The following MEI4 variants were observed in gnomAD, a reference collection of about 807,000 sequenced individuals.
MEI4 encodes meiotic double-stranded break formation protein 4.
MEI4 carries 27 observed loss-of-function variants against 31.4 expected under a neutral mutation model. The ratio of observed to expected loss-of-function variants is 0.86; its 90% CI spans 0.63 to 1.19. The LOEUF (loss-of-function observed/expected upper bound fraction) is 1.19, where lower values mean the gene tolerates loss of function less well. MEI4 is among the 50% of genes most tolerant of loss of function. The pLI is 0.00. For missense variants in MEI4, 329 were observed against 398.9 expected (o/e 0.82, Z 1.49); for synonymous variants, 122 against 145.4 (o/e 0.84, Z 1.16).
intron 4 of MEI4, among the ~76,000 whole-genome samples, chr6:77,829,928 ATGT>A (rs564583194): frequency 2.2e-4 from 33 of 152,240 alleles, no homozygotes; most frequent in East Asian, 1.2e-3. Flanking sequence ...GATGTTTGAC[ATGT>A]TGTATCTAGT....
chr6:77,813,182 G>A (rs1293074716), intron 3 of MEI4, among the ~76,000 whole-genome samples: 3 of 152,054 alleles, frequency 2.0e-5, no homozygotes, highest in African/African-American at 4.8e-5. Flanking sequence ...ATATATTTGT[G>A]TCATTATTGC....
chr6:77,769,997 T>C lies in MEI4; in HGVS notation c.768+8332T>C, dbSNP rs1044553627. On this transcript the variant is annotated intron_variant, in intron 3 of 4. Coordinates refer to ENST00000684080, the MANE Select transcript of MEI4 (RefSeq NM_001322247.2). ...ACAGAAGAGTAAAGGGGTCTTTATC[T>C]TGCAGCCTGGTACCAGCTTGGCCGC... Among the ~76,000 whole-genome samples, 16 of 151,834 alleles carry C rather than the reference T, an allele frequency of 1.1e-4. No individual in the cohort carries two copies. In the South Asian group the frequency reaches 2.3e-3, roughly 22 times the overall value.
At chr6:77,778,702 G>C (rs1236837977) in intron 3 of MEI4, among the ~76,000 whole-genome samples, 1 of 140,108 alleles carries the variant, frequency 7.1e-6, no homozygotes, top group Non-Finnish European at 1.5e-5. Flanking sequence ...CTGAGACCCT[G>C]TCTCAAATAA....
intron 1 of MEI4, among the ~76,000 whole-genome samples, chr6:77,680,696 G>A (rs1459631901): frequency 6.6e-6 from 1 of 152,092 alleles, no homozygotes; most frequent in Non-Finnish European, 1.5e-5. Context: ...TGAAAGTAGA[G>A]CTCTATTTTG....
At chr6:77,744,500 A>T (rs1169356063) in intron 2 of MEI4, among the ~76,000 whole-genome samples, 3 of 152,146 alleles carry the variant, frequency 2.0e-5, no homozygotes, top group Non-Finnish European at 4.4e-5. Context: ...TGATTGGTGT[A>T]CCTGAAAGTG....
chr6:77,889,098 A>G (rs776899269), intron 4 of MEI4, among the ~76,000 whole-genome samples: 3 of 152,156 alleles, frequency 2.0e-5, no homozygotes, highest in Non-Finnish European at 4.4e-5. Context: ...GCAGCATTAA[A>G]ACATAAATCG....
intron 1 of MEI4, among the ~76,000 whole-genome samples, chr6:77,662,234 G>A (rs1179985349): frequency 6.6e-6 from 1 of 152,188 alleles, no homozygotes; most frequent in Non-Finnish European, 1.5e-5. Flanking sequence ...AATGATAGAT[G>A]TGGAAGATAC....
Position 77,822,622 on chromosome 6 carries a change from CCT to C in MEI4, c.769-6308_769-6307del, listed in dbSNP as rs1312821546. Reference sequence around the variant, plus strand: ...GGATTGCATTTGGATACCCCCCCCCCCTTTTTTTTTTTCTTGAGACAGAGTCT... The same window carrying C: ...GGATTGCATTTGGATACCCCCCCCCCTTTTTTTTTTCTTGAGACAGAGTCT... On this transcript the variant is annotated intron_variant, in intron 3 of 4. Coordinates refer to ENST00000684080, the MANE Select transcript of MEI4 (RefSeq NM_001322247.2). Among the ~76,000 whole-genome samples, 190 of 94,082 alleles carry C rather than the reference CCT, an allele frequency of 2.0e-3. 1 individual carries two copies. Among genetic ancestry groups the C allele is most frequent in the African/African-American group, 5.4e-3 (124 of 23,086 alleles). 61.7% of individuals were successfully genotyped at this position (94,082 alleles called of 152,430 possible).
At chr6:77,735,632 C>G (rs1274893956) in intron 2 of MEI4, among the ~76,000 whole-genome samples, 1 of 152,072 alleles carries the variant, frequency 6.6e-6, no homozygotes, top group Admixed American at 6.5e-5. Flanking sequence ...CTTCTCTTAG[C>G]TTGTCAAAGT....
chr6:77,881,776 A>C (rs936591178), intron 4 of MEI4, among the ~76,000 whole-genome samples: 1 of 152,260 alleles, frequency 6.6e-6, no homozygotes. Context: ...CTAATTGAAC[A>C]GTATTATATG....
At chr6:77,746,107 G>T (rs908575023) in intron 2 of MEI4, among the ~76,000 whole-genome samples, 2 of 151,942 alleles carry the variant, frequency 1.3e-5, no homozygotes, top group Admixed American at 1.3e-4. Flanking sequence ...AGAAGGCAAG[G>T]AATAACTAAA....
At chr6:77,831,550 C>A (rs9361295) in intron 4 of MEI4, among the ~76,000 whole-genome samples, 67,786 of 150,450 alleles carry the variant, frequency 0.45, 16,982 homozygotes, top group African/African-American at 0.68. Context: ...TCCTCTCTCT[C>A]TATATATAAT....
chr6:77,917,311 G>C (rs1766583659), intron 4 of MEI4, among the ~76,000 whole-genome samples: 1 of 149,630 alleles, frequency 6.7e-6, no homozygotes, highest in Non-Finnish European at 1.5e-5. Flanking sequence ...GGGTCAAATG[G>C]TATTTCTAGT....
At chr6:77,712,358 GT>G (rs1766484004) in intron 2 of MEI4, among the ~76,000 whole-genome samples, 1 of 152,104 alleles carries the variant, frequency 6.6e-6, no homozygotes, top group South Asian at 2.1e-4. Flanking sequence ...CTTTTAGGTA[GT>G]TCTGTGGTAC....
chr6:77,831,062 A>G (rs1313170375), intron 4 of MEI4, among the ~76,000 whole-genome samples: 2 of 151,950 alleles, frequency 1.3e-5, no homozygotes, highest in East Asian at 3.9e-4. Context: ...ATACCAAGAA[A>G]ACAAACAATC....
At chr6:77,705,148 T>C (rs975611765) in intron 2 of MEI4, among the ~76,000 whole-genome samples, 3 of 152,148 alleles carry the variant, frequency 2.0e-5, no homozygotes, top group African/African-American at 7.2e-5. Flanking sequence ...TGTTGTTGAT[T>C]CTTGTTCTAG....
chr6:77,801,131 G>T (rs1769243700), intron 3 of MEI4, among the ~76,000 whole-genome samples: 1 of 152,060 alleles, frequency 6.6e-6, no homozygotes, highest in Non-Finnish European at 1.5e-5. Flanking sequence ...CTGGACTTTT[G>T]TTGGTTGGTA....
intron 2 of MEI4, among the ~76,000 whole-genome samples, chr6:77,696,201 C>T (rs1562209509): frequency 6.6e-6 from 1 of 152,136 alleles, no homozygotes; most frequent in East Asian, 1.9e-4. Context: ...ACAATCATGT[C>T]ATCTGCAAAC....
intron 2 of MEI4, among the ~76,000 whole-genome samples, chr6:77,700,657 A>G (rs1029931953): frequency 1.3e-5 from 2 of 152,150 alleles, no homozygotes; most frequent in Non-Finnish European, 2.9e-5. Context: ...TCAGATGGAA[A>G]TGCAAAAATC....
Sources: allele counts gnomAD v4.1 joint callset (sites outside exome capture counted in the v4.1 genomes callset), GRCh38; gene constraint gnomAD v4.1.1; transcripts MANE v1.5; gene names NCBI Gene and HGNC (gene_info 2026-07-23, HGNC 2026-07-21).